The following CAMTA1 variants were observed in gnomAD, a reference collection of about 807,000 sequenced individuals.
The protein encoded by CAMTA1 is calmodulin-binding transcription activator 1.
Under a neutral mutation model 170.9 loss-of-function variants are expected in CAMTA1, and 27 were observed. The ratio of observed to expected loss-of-function variants is 0.16; its 90% confidence interval spans 0.12 to 0.22. The LOEUF is 0.22. Ranked by LOEUF, CAMTA1 falls within the 10% of genes least tolerant of loss-of-function variation. CAMTA1 has a pLI of 1.00. For missense variants in CAMTA1, 1,619 were observed against 2,217.2 expected (o/e 0.73, Z 5.42); for synonymous variants, 833 against 891.5 (o/e 0.93, Z 1.17).
At chr1:7,648,010 G>C (rs1289455829) in intron 7 of CAMTA1, among the ~76,000 whole-genome samples, 2 of 152,168 alleles carry the variant, frequency 1.3e-5, no homozygotes, top group African/African-American at 4.8e-5. Flanking sequence ...CTTGAACCTA[G>C]GGAGTTCAGG....
chr1:7,047,350 G>A (rs561842792), intron 3 of CAMTA1, among the ~76,000 whole-genome samples: 2 of 152,314 alleles, frequency 1.3e-5, no homozygotes, highest in African/African-American at 4.8e-5. Flanking sequence ...TTACACTTCA[G>A]CACAGTCTTA....
chr1:7,698,796 C>G (rs1420997749), intron 11 of CAMTA1: 1 of 24,042 alleles, frequency 4.2e-5, no homozygotes, highest in Non-Finnish European at 1.2e-4. Context: ...CCTTCAGAAG[C>G]ACTGTCAAAC....
intron 10 of CAMTA1, among the ~76,000 whole-genome samples, chr1:7,671,638 G>C (rs2096061454): frequency 1.3e-5 from 2 of 152,318 alleles, no homozygotes; most frequent in South Asian, 4.1e-4. Context: ...ATGTAAAACA[G>C]AGCCATCTAC....
chr1:7,538,512 G>A (rs56238218), intron 6 of CAMTA1, among the ~76,000 whole-genome samples: 16,755 of 152,294 alleles, frequency 0.11, 1,195 homozygotes, highest in Middle Eastern at 0.16. Context: ...TTAACCAGGT[G>A]TGATGGCAAG....
At chr1:7,019,852 C>T (rs556443092) in intron 3 of CAMTA1, among the ~76,000 whole-genome samples, 2 of 152,372 alleles carry the variant, frequency 1.3e-5, no homozygotes, top group Non-Finnish European at 2.9e-5. Flanking sequence ...GCACCTGCTC[C>T]GACTCCAGCT....
At chr1:7,328,853 C>T (rs2082856678) in intron 5 of CAMTA1, among the ~76,000 whole-genome samples, 2 of 151,920 alleles carry the variant, frequency 1.3e-5, no homozygotes, top group Non-Finnish European at 2.9e-5. Flanking sequence ...TTTCATTTTC[C>T]TCCTTTCTTG....
At chr1:7,193,985 GC>G (rs1247717068) in intron 4 of CAMTA1, among the ~76,000 whole-genome samples, 1 of 152,162 alleles carries the variant, frequency 6.6e-6, no homozygotes, top group Non-Finnish European at 1.5e-5. Context: ...TATCTTTCAT[GC>G]CCTTAGCATC....
At chr1:7,231,091 C>T (rs185393260) in intron 4 of CAMTA1, among the ~76,000 whole-genome samples, 7 of 152,226 alleles carry the variant, frequency 4.6e-5, no homozygotes, top group African/African-American at 1.2e-4. Flanking sequence ...CGAGTCTGAT[C>T]GTGGGATGAG....
intron 3 of CAMTA1, among the ~76,000 whole-genome samples, chr1:6,908,507 G>A (rs565661296): frequency 2.6e-5 from 4 of 152,216 alleles, no homozygotes; most frequent in Non-Finnish European, 4.4e-5. Context: ...CTGGCAACGC[G>A]ATCACCTCCT....
At chr1:6,958,131 T>C (rs1689773761) in intron 3 of CAMTA1, among the ~76,000 whole-genome samples, 1 of 152,102 alleles carries the variant, frequency 6.6e-6, no homozygotes, top group African/African-American at 2.4e-5. Flanking sequence ...TGAATGAAAA[T>C]GGTAAGTGTG....
At chr1:7,348,298 G>A (rs2084376375) in intron 5 of CAMTA1, among the ~76,000 whole-genome samples, 1 of 152,204 alleles carries the variant, frequency 6.6e-6, no homozygotes, top group Non-Finnish European at 1.5e-5. Context: ...AGTTTCTGCT[G>A]CTGACTGCCT....
chr1:7,432,000 T>G (rs1199591721), intron 5 of CAMTA1, among the ~76,000 whole-genome samples: 1 of 152,168 alleles, frequency 6.6e-6, no homozygotes, highest in Admixed American at 6.5e-5. Flanking sequence ...ACCTGGGCCC[T>G]GAGCCAGGCA....
intron 5 of CAMTA1, among the ~76,000 whole-genome samples, chr1:7,257,008 T>A (rs953376645): frequency 1.3e-5 from 2 of 149,886 alleles, no homozygotes; most frequent in Non-Finnish European, 3.0e-5. Context: ...CAAACCCCAT[T>A]CAGAAAGCCT....
At chr1:7,564,324 T>C (rs369741945) in intron 6 of CAMTA1, among the ~76,000 whole-genome samples, 1 of 152,248 alleles carries the variant, frequency 6.6e-6, no homozygotes, top group Admixed American at 6.5e-5. Context: ...GACGGCGTGC[T>C]GTCTGGATTA....
chr1:7,116,590 C>T (rs1644340677), intron 4 of CAMTA1, among the ~76,000 whole-genome samples: 1 of 152,120 alleles, frequency 6.6e-6, no homozygotes, highest in Non-Finnish European at 1.5e-5. Context: ...AATTTCATAG[C>T]ATTCCTTAAG....
chr1:7,428,815 G>A (rs1294754630), intron 5 of CAMTA1, among the ~76,000 whole-genome samples: 6 of 151,734 alleles, frequency 4.0e-5, no homozygotes, highest in South Asian at 2.1e-4. Context: ...TATTGGTTTC[G>A]GAGCTGGTTG....
chr1:7,437,451 G>C (rs2149389024), intron 5 of CAMTA1, among the ~76,000 whole-genome samples: 1 of 152,272 alleles, frequency 6.6e-6, no homozygotes, highest in South Asian at 2.1e-4. Context: ...TGTTTACTTG[G>C]CATTCTACCT....
intron 4 of CAMTA1, among the ~76,000 whole-genome samples, chr1:7,143,507 G>A (rs1646005763): frequency 6.6e-6 from 1 of 152,160 alleles, no homozygotes; most frequent in Non-Finnish European, 1.5e-5. Flanking sequence ...GGTGCAGCCT[G>A]CTTTTCTGGT....
At chr1:7,233,678 T>C (rs1341193710) in intron 4 of CAMTA1, among the ~76,000 whole-genome samples, 1 of 152,040 alleles carries the variant, frequency 6.6e-6, no homozygotes, top group African/African-American at 2.4e-5. Context: ...TCATCCCACT[T>C]CCCTGCTTCA....
Sources: gnomAD v4.1 joint callset for allele counts (sites outside exome capture counted in the v4.1 genomes callset) on GRCh38, gnomAD v4.1.1 for gene constraint, MANE v1.5 for transcripts, NCBI Gene and HGNC (gene_info 2026-07-23, HGNC 2026-07-21) for gene names.